The following DST variants were observed in gnomAD, a reference collection of about 807,000 sequenced individuals.
DST encodes the protein dystonin.
In DST, 253 loss-of-function variants were observed where a neutral mutation model predicts 875.2. That is an observed-to-expected ratio of 0.29 (90% CI 0.26 to 0.32). The LOEUF is 0.32. Ranked by LOEUF, DST falls within the 10% of genes least tolerant of loss-of-function variation. The pLI, the probability that DST is intolerant of heterozygous loss-of-function variation, is 1.00. For missense variants in DST, 8,287 were observed against 9,111.6 expected (o/e 0.91, Z 3.68); for synonymous variants, 3,124 against 3,197.1 (o/e 0.98, Z 0.77).
At chr6:56,946,337 T>C (rs998965345) in intron 2 of DST, among the ~76,000 whole-genome samples, 6 of 152,186 alleles carry the variant, frequency 3.9e-5, no homozygotes, top group African/African-American at 9.7e-5. Context: ...TTCTAAATAG[T>C]AGCAGCAGAA....
At chr6:56,943,030 C>T (rs1420044824) in intron 2 of DST, among the ~76,000 whole-genome samples, 2 of 151,988 alleles carry the variant, frequency 1.3e-5, no homozygotes, top group Non-Finnish European at 2.9e-5. Flanking sequence ...CCAATATTTG[C>T]CATTTCTGAC....
intron 4 of DST, among the ~76,000 whole-genome samples, chr6:56,847,089 G>T (rs533385130): frequency 6.6e-6 from 1 of 151,324 alleles, no homozygotes; most frequent in Admixed American, 6.6e-5. Context: ...GGCCCAGGCA[G>T]AAAAGATCAC....
chr6:56,617,469 C>T (rs2098639380), intron 36 of DST: 2 of 1,408,084 alleles, frequency 1.4e-6, no homozygotes, highest in Non-Finnish European at 2.0e-6. Flanking sequence ...AACATTATGT[C>T]ACTTTATCCA....
Position 56,607,528 on chromosome 6 carries a change from G to T in DST, c.7100C>A (p.Thr2367Lys), listed in dbSNP as rs372340626. 1.3e-4 allele frequency: 211 copies of T among 1,603,394 alleles called. No individual in the cohort carries two copies. The African/African-American group carries it at 2.4e-3, about 18-fold the overall frequency. The change falls in exon 40 of 104, where the codon ACA becomes AAA. Residue 2367 changes from threonine to lysine, a missense_variant. Thr to Lys is a moderately conservative substitution (Grantham distance 78). This residue lies in a region of DST where 3,138 missense variants were observed against 3,116.6 expected (regional missense o/e 1.01). Coordinates refer to ENST00000680361, the MANE Select transcript of DST (RefSeq NM_001374736.1). The part of the protein sequence containing the change: ...MLRSDSENIL[T>K]NYENQSRVET... ...CACTCGGCTTTGATTTTCATAGTTTGTAAGTATGTTTTCAGAGTCACTTCT... is the reference window on the plus strand; with the variant it reads ...CACTCGGCTTTGATTTTCATAGTTTTTAAGTATGTTTTCAGAGTCACTTCT...
At chr6:56,655,380 C>A (rs550458382) in intron 10 of DST, among the ~76,000 whole-genome samples, 21 of 152,118 alleles carry the variant, frequency 1.4e-4, no homozygotes, top group African/African-American at 5.1e-4. Flanking sequence ...AGTGCAGACA[C>A]AACATTACCA....
intron 9 of DST, among the ~76,000 whole-genome samples, chr6:56,673,719 T>A (rs2099114443): frequency 6.6e-6 from 1 of 152,226 alleles, no homozygotes; most frequent in Admixed American, 6.5e-5. Context: ...GCGATAATTT[T>A]AAAATGCATA....
chr6:56,479,970 C>A (rs1450266491), intron 90 of DST, among the ~76,000 whole-genome samples: 1 of 152,036 alleles, frequency 6.6e-6, no homozygotes, highest in Non-Finnish European at 1.5e-5. Flanking sequence ...TTTAAGTGGC[C>A]TTTTGTCTTT....
chr6:56,464,399 A>C (rs944354238), intron 100 of DST: 1 of 448,040 alleles, frequency 2.2e-6, no homozygotes, highest in Non-Finnish European at 4.0e-6. Context: ...GTAGTCAGTG[A>C]TGCAGCACTC....
At chr6:56,836,760 A>G (rs1451199695) in intron 4 of DST, among the ~76,000 whole-genome samples, 2 of 150,950 alleles carry the variant, frequency 1.3e-5, no homozygotes, top group Non-Finnish European at 3.0e-5. Flanking sequence ...CTGAGGCAGG[A>G]GAATGGCGTG....
At chr6:56,807,357 C>A (rs1189912255) in intron 4 of DST, among the ~76,000 whole-genome samples, 2 of 152,140 alleles carry the variant, frequency 1.3e-5, no homozygotes, top group Non-Finnish European at 2.9e-5. Flanking sequence ...AACACAATTA[C>A]AATCAAAATC....
chr6:56,844,265 C>T (rs1455223740), intron 4 of DST, among the ~76,000 whole-genome samples: 1 of 152,038 alleles, frequency 6.6e-6, no homozygotes, highest in Admixed American at 6.5e-5. Flanking sequence ...GCCGCGCCTG[C>T]GCCTGAGCTC....
chr6:56,642,887 G>A (rs377533945), intron 15 of DST: 1 of 1,589,600 alleles, frequency 6.3e-7, no homozygotes. Flanking sequence ...AAAAGTGGCA[G>A]CTGAATATTA....
chr6:56,892,841 A>G (rs1394138192), intron 3 of DST, among the ~76,000 whole-genome samples: 1 of 152,126 alleles, frequency 6.6e-6, no homozygotes, highest in Non-Finnish European at 1.5e-5. Flanking sequence ...ATGCCAGGAG[A>G]TATTCTAGAA....
At chr6:56,776,224 A>G (rs979786363) in intron 4 of DST, among the ~76,000 whole-genome samples, 1 of 152,230 alleles carries the variant, frequency 6.6e-6, no homozygotes, top group Non-Finnish European at 1.5e-5. Flanking sequence ...ATTCTACAAA[A>G]TACCTGACCA....
intron 4 of DST, among the ~76,000 whole-genome samples, chr6:56,827,745 G>A (rs2099782473): frequency 6.6e-6 from 1 of 152,138 alleles, no homozygotes; most frequent in Non-Finnish European, 1.5e-5. Context: ...CACCAGGACA[G>A]CCAGAAGAAA....
chr6:56,677,775 G>T (rs2099137843), intron 9 of DST, among the ~76,000 whole-genome samples: 1 of 152,156 alleles, frequency 6.6e-6, no homozygotes, highest in Non-Finnish European at 1.5e-5. Flanking sequence ...CCAAATTCAA[G>T]TTCTTCCTGT....
rs1428617557 is a variant in DST, at chr6:56,604,058, C to A, written c.10570G>T (p.Glu3524Ter). 6.3e-7 allele frequency: 1 copy of A among 1,584,708 alleles called. No homozygotes were observed. The highest frequency in any genetic ancestry group is 8.6e-7 in the Non-Finnish European group (1 of 1,163,302). ...ATATCACCAAGAATATGTGGCTTTT[C>A]TTCCATCATCTCAGATGTAGAACAT... ...KACSTSEMME[E>*]KPHILGDIKS... The change falls in exon 40 of 104, where the codon GAA becomes TAA. Residue 3524 changes from glutamate (E) to a stop codon, truncating the protein, a stop_gained. Transcript: ENST00000680361. LOFTEE classifies it high-confidence loss of function.
chr6:56,497,381 T>G lies in DST; in HGVS notation c.20221A>C (p.Met6741Leu). Residue 6741 changes from methionine (M) to leucine (L), a missense_variant and splice_region_variant, in exon 82 of 104, where the codon ATG (methionine) becomes CTG (leucine). Met to Leu is a conservative substitution (Grantham distance 15). This residue lies in a region of DST where 1,292 missense variants were observed against 1,552.7 expected (regional missense o/e 0.83). Transcript: ENST00000680361. ...GCTGTAGGAAATACTTTGCTTACCA[T>G]ATGGACATTAAGCTGCTCCTTGGCT... The part of the protein sequence containing the change: ...ETAKEQLNVH[M>L]EVCAAFEAKE... 1 of 1,612,802 alleles carries G rather than the reference T, an allele frequency of 6.2e-7. No homozygotes were observed. The highest frequency in any genetic ancestry group is 8.5e-7 in the Non-Finnish European group (1 of 1,179,120).
intron 92 of DST, chr6:56,474,369 A>C (rs1485037431): frequency 6.0e-6 from 1 of 166,386 alleles, no homozygotes; most frequent in Non-Finnish European, 1.3e-5. Flanking sequence ...CTGTAGTCCC[A>C]GCTACTTGGG....
Sources: allele counts gnomAD v4.1 joint callset (sites outside exome capture counted in the v4.1 genomes callset), GRCh38; gene constraint gnomAD v4.1.1; regional missense constraint gnomAD v4.1.1; transcripts MANE v1.5; gene names NCBI Gene and HGNC (gene_info 2026-07-23, HGNC 2026-07-21).